The following BRD3 variants were observed in gnomAD, a reference collection of about 807,000 sequenced individuals.
The protein encoded by BRD3 is bromodomain containing 3, also known as bromodomain-containing protein 3.
A neutral mutation model predicts 66.8 loss-of-function variants in BRD3; 17 were observed. The observed-to-expected ratio is 0.25, with a 90% CI of 0.17 to 0.38. The LOEUF (loss-of-function observed/expected upper bound fraction) is 0.38, where lower values mean the gene tolerates loss of function less well. Ranked by LOEUF, BRD3 falls within the 10% of genes least tolerant of loss-of-function variation. The pLI is 1.00. For missense variants in BRD3, 713 were observed against 956.1 expected (o/e 0.75, Z 3.35); for synonymous variants, 421 against 393.2 (o/e 1.07, Z -0.84).
chr9:134,051,412 A>G, intron 4 of BRD3, 150 bp downstream of exon 4: 1 of 794,472 alleles, frequency 1.3e-6, no homozygotes, highest in Non-Finnish European at 1.8e-6. Flanking sequence ...AACATCACCC[A>G]CAGGCCACAC....
At chr9:134,051,845 ATATG>A (rs1293202694) in intron 3 of BRD3, 136 bp from the exon 4 acceptor site, 187 of 725,184 alleles carry the variant, frequency 2.6e-4, no homozygotes, top group African/African-American at 2.2e-3. Context: ...CAAAATGAAT[ATATG>A]TGTGTGTGTG....
In BRD3 at chr9:134,041,481, A is replaced by G. The variant is rs147724408; in HGVS notation, c.1407+279T>C. On this transcript the variant is annotated intron_variant, in intron 8 of 11. Coordinates refer to ENST00000303407, the MANE Select transcript of BRD3 (RefSeq NM_007371.4). ...CTTTCTGGAGCAGAGCAAGGCACACATAACCACACATGACCCCTGAGCTCC... is the reference window on the plus strand; with the variant it reads ...CTTTCTGGAGCAGAGCAAGGCACACGTAACCACACATGACCCCTGAGCTCC... 5.0e-3 allele frequency among the ~76,000 whole-genome samples: 759 copies of G among 152,286 alleles called. 6 individuals are homozygous for G. Among genetic ancestry groups the G allele is most frequent in the African/African-American group, 0.017 (722 of 41,564 alleles).
intron 4 of BRD3, among the ~76,000 whole-genome samples, chr9:134,051,234 G>A (rs2519078): frequency 0.69 from 105,307 of 152,138 alleles, 36,922 homozygotes; most frequent in African/African-American, 0.78. Flanking sequence ...CCCACGCGTC[G>A]TGGAAGAAGT....
chr9:134,052,134 C>T (rs1276189917), intron 3 of BRD3, among the ~76,000 whole-genome samples, 172 bp downstream of exon 3: 1 of 152,090 alleles, frequency 6.6e-6, no homozygotes, highest in Non-Finnish European at 1.5e-5. Context: ...CTCAAGTGAT[C>T]CGCCGACCTC....
intron 3 of BRD3, 56 bp downstream of exon 3, chr9:134,052,250 T>C: frequency 1.9e-6 from 3 of 1,597,666 alleles, no homozygotes; most frequent in Non-Finnish European, 1.7e-6. Flanking sequence ...GCCCACTGCG[T>C]TGCACAGCGC....
At position 134,032,839 on chromosome 9, in the gene BRD3, CCTTTT is replaced by C; in HGVS notation, c.*746_*750del. 1 of 256,228 alleles carries C rather than the reference CCTTTT, an allele frequency of 3.9e-6. No individual in the cohort carries two copies. The highest frequency in any genetic ancestry group is 6.7e-6 in the Non-Finnish European group (1 of 148,780). The allele number at this position is 256,228 out of a possible 1,614,324, so 15.9% of individuals were successfully genotyped here. ...TTGCCGAACCTTACAAAAAAAGTCT[CCTTTT>C]TTTTTTTTTTTAAATCTTTTCTTCT... On this transcript the variant is annotated 3_prime_UTR_variant, in exon 12 of 12. Transcript: ENST00000303407.
intron 1 of BRD3, among the ~76,000 whole-genome samples, chr9:134,062,217 G>A (rs1830558209): frequency 6.6e-6 from 1 of 152,166 alleles, no homozygotes. Flanking sequence ...TCTGCCCAGT[G>A]CTGTGAGCCC....
At chr9:134,067,785 A>AGGCGGC (rs912414081) in intron 1 of BRD3, among the ~76,000 whole-genome samples, 160 bp downstream of exon 1, 55 of 141,896 alleles carry the variant, frequency 3.9e-4, no homozygotes, top group East Asian at 1.3e-3. Context: ...CCGCGCACAA[A>AGGCGGC]GGCGGCGGCG....
rs759574100 is a variant in BRD3, at chr9:134,041,848, C to T, written c.1319G>A (p.Ser440Asn). The change falls in exon 8 of 12, where the codon AGC becomes AAC. Residue 440 changes from serine to asparagine, a missense_variant. Coordinates refer to ENST00000303407, the MANE Select transcript of BRD3 (RefSeq NM_007371.4). ...CGAAGAGCTCTCCTCACTGCTACGG[C>T]TGCTCTCAGCGCCCTTGCTCACCAT... The part of the protein sequence containing the change: ...APMVSKGAES[S>N]RSSEESSSDS... 1.2e-5 allele frequency: 20 copies of T among 1,612,656 alleles called. No individual in the cohort carries two copies. The highest frequency in any genetic ancestry group is 1.6e-5 in the Non-Finnish European group (19 of 1,179,776).
chr9:134,042,295 G>T (rs569344555), intron 7 of BRD3, among the ~76,000 whole-genome samples: 1 of 152,158 alleles, frequency 6.6e-6, no homozygotes, highest in Non-Finnish European at 1.5e-5. Context: ...TGTGAAACGG[G>T]AAACAGTGTC....
chr9:134,045,324 T>A lies in BRD3; in HGVS notation c.1184A>T (p.His395Leu). 1 of 1,613,518 alleles carries A rather than the reference T, an allele frequency of 6.2e-7. No individual in the cohort carries two copies. The highest frequency in any genetic ancestry group is 8.5e-7 in the Non-Finnish European group (1 of 1,180,012). Residue 395 changes from histidine to leucine, a missense_variant, in exon 7 of 12, where the codon CAC (histidine) becomes CTC (leucine). Coordinates refer to ENST00000303407, the MANE Select transcript of BRD3 (RefSeq NM_007371.4). This position sits in a 1 kb window ranked among gnomAD's most constrained non-coding sequence, Gnocchi z 4.8. ...SNCYKYNPPD[H>L]EVVAMARKLQ... ...CTTCCGGGCCATGGCCACAACCTCG[T>A]GGTCTGGGGGATTGTATTTGTAGCA...
At chr9:134,051,299 G>A (rs1830289755) in intron 4 of BRD3, among the ~76,000 whole-genome samples, 1 of 152,232 alleles carries the variant, frequency 6.6e-6, no homozygotes, top group Non-Finnish European at 1.5e-5. Context: ...GGAGAGCAGG[G>A]ACAGGTGATC....
chr9:134,034,634 T>C (rs963531247), intron 11 of BRD3, 67 bp downstream of exon 11: 2 of 1,587,996 alleles, frequency 1.3e-6, no homozygotes, highest in East Asian at 2.2e-5. Flanking sequence ...TGCTCGATGC[T>C]CAAACCCCTA....
At position 134,067,984 on chromosome 9, in the gene BRD3, C is replaced by T. The variant is rs1404800208; in HGVS notation, c.-153G>A. The T allele has an allele frequency of 6.9e-6, 1 of 145,098 alleles. No individual in the cohort carries two copies. Among genetic ancestry groups the T allele is most frequent in the Non-Finnish European group, 1.5e-5 (1 of 65,270 alleles). 9.0% of individuals were successfully genotyped at this position (145,098 alleles called of 1,614,324 possible). On this transcript the variant is annotated 5_prime_UTR_variant, in exon 1 of 12. Transcript: ENST00000303407. ...CCGGCGGCCGTCCCCTCCCGGCCCG[C>T]GCGGCCGGCTCCTCTTTGGCTCGCC...
chr9:134,031,708 C>G lies in BRD3; in HGVS notation c.*1882G>C. 1 of 213,198 alleles carries G rather than the reference C, an allele frequency of 4.7e-6. No individual in the cohort carries two copies. 13.2% of individuals were successfully genotyped at this position (213,198 alleles called of 1,614,324 possible). A position where few individuals can be genotyped will look rare whatever the true frequency, so the allele number is the denominator to read the frequency against. On this transcript the variant is annotated 3_prime_UTR_variant, in exon 12 of 12. Coordinates refer to ENST00000303407, the MANE Select transcript of BRD3 (RefSeq NM_007371.4). ...CTACATCTGTAAGGGTCAGTGGACTCTGAATCAATTTTATGGTTGTTTTAA... is the reference window on the plus strand; with the variant it reads ...CTACATCTGTAAGGGTCAGTGGACTGTGAATCAATTTTATGGTTGTTTTAA...
rs200923400 is a variant in BRD3 at position 134,053,407 on chromosome 9, G to C, written c.71C>G (p.Pro24Arg). Residue 24 changes from proline (P) to arginine (R), a missense_variant, in exon 2 of 12, where the codon CCG becomes CGG. By Grantham distance (103) the Pro-to-Arg change is moderately radical. Transcript: ENST00000303407. ...ATPGPVNPPP[P>R]EVSNPSKPGR... ...GGGCTTGCTGGGGTTGGAGACCTCC[G>C]GGGGGGGTGGGTTCACAGGGCCCGG... 5.0e-6 allele frequency: 8 copies of C among 1,584,988 alleles called. No homozygotes were observed. Among genetic ancestry groups the C allele is most frequent in the African/African-American group, 1.3e-5 (1 of 74,330 alleles).
In BRD3 at chr9:134,053,528, T is replaced by G; in HGVS notation, c.-51A>C. The G allele has an allele frequency of 6.6e-7, 1 of 1,503,832 alleles. No individual in the cohort carries two copies. The highest frequency in any genetic ancestry group is 8.8e-7 in the Non-Finnish European group (1 of 1,130,148). The allele number at this position is 1,503,832 out of a possible 1,614,324, so 93.2% of individuals were successfully genotyped here. On this transcript the variant is annotated 5_prime_UTR_variant, in exon 2 of 12. Transcript: ENST00000303407. Reference sequence around the variant, plus strand: ...TCACAGCAGCGGCTTGGAGAGGCCCTGGCTGCTTCTACGCTCCCTGAGAAA... The same window carrying G: ...TCACAGCAGCGGCTTGGAGAGGCCCGGGCTGCTTCTACGCTCCCTGAGAAA...
At position 134,033,999 on chromosome 9, in the gene BRD3, C is replaced by T. The variant is rs1187815748; in HGVS notation, c.2066-294G>A. 1.3e-5 allele frequency among the ~76,000 whole-genome samples: 2 copies of T among 152,162 alleles called. No individual in the cohort carries two copies. The highest frequency in any genetic ancestry group is 1.9e-4 in the East Asian group (1 of 5,186). On this transcript the variant is annotated intron_variant, in intron 11 of 11. Coordinates refer to ENST00000303407, the MANE Select transcript of BRD3 (RefSeq NM_007371.4). This position sits in a 1 kb window ranked among gnomAD's most constrained non-coding sequence, Gnocchi z 5.1. ...ATGGCCACCAGCAGCGACAGGAACA[C>T]CAGCTGCTGGCGTTTCTGGAGCGCT...
intron 11 of BRD3, 117 bp downstream of exon 11, chr9:134,034,584 T>G: frequency 5.0e-6 from 7 of 1,387,046 alleles, no homozygotes; most frequent in East Asian, 2.4e-5. Context: ...TCTAAGAACA[T>G]GGAGCTCATC....
Sources: gnomAD v4.1 joint callset for allele counts (sites outside exome capture counted in the v4.1 genomes callset) on GRCh38, gnomAD v4.1.1 for gene constraint, Gnocchi (gnomAD v3.1) non-coding constraint, MANE v1.5 for transcripts, NCBI Gene and HGNC (gene_info 2026-07-23, HGNC 2026-07-21) for gene names.